ABI3BP: variants seen among roughly 807,000 people sequenced by gnomAD.
ABI3BP encodes target of Nesh-SH3.
In ABI3BP, 216 loss-of-function variants were observed where a neutral mutation model predicts 268.6. That is an observed-to-expected ratio of 0.80 (90% CI 0.72 to 0.90). The LOEUF is 0.90. ABI3BP is among the 40% of genes least tolerant of loss of function. ABI3BP has a pLI of 0.00. For synonymous variants in ABI3BP, 730 were observed against 730.0 expected (o/e 1.00, Z 0.00); for missense variants, 2,090 against 2,182.4 (o/e 0.96, Z 0.84).
chr3:100,985,609 A>G (rs1432324263), intron 1 of ABI3BP, among the ~76,000 whole-genome samples: 1 of 152,172 alleles, frequency 6.6e-6, no homozygotes, highest in Non-Finnish European at 1.5e-5. Flanking sequence ...GCCTCTGTAC[A>G]TGGTATCAAC....
At chr3:100,904,093 C>T (rs999533193) in intron 2 of ABI3BP, among the ~76,000 whole-genome samples, 26 of 152,152 alleles carry the variant, frequency 1.7e-4, no homozygotes, top group Admixed American at 1.1e-3. Flanking sequence ...ATGTACTGAA[C>T]GCTTTCTATG....
chr3:100,758,470 CA>C (rs1291569699), intron 63 of ABI3BP, among the ~76,000 whole-genome samples: 1 of 152,058 alleles, frequency 6.6e-6, no homozygotes, highest in African/African-American at 2.4e-5. Flanking sequence ...GGGAATTTGA[CA>C]AACACTGCCA....
Position 100,838,258 on chromosome 3 carries a change from G to C in ABI3BP, c.2035C>G (p.Pro679Ala). 6.5e-7 allele frequency: 1 copy of C among 1,536,522 alleles called. No individual in the cohort carries two copies. The highest frequency in any genetic ancestry group is 8.7e-7 in the Non-Finnish European group (1 of 1,146,884). ...PGSKPPKQLL[P>A]KPQTTAEPDM... is the part of the protein sequence containing the mutation. ...GGTTCTGCTGTGGTTTGGGGTTTAG[G>C]AAGTAATTGTTTTGGTGGTTTTGAA... Residue 679 changes from proline to alanine, a missense_variant, in exon 26 of 68, where the codon CCT becomes GCT. By Grantham distance (27) the Pro-to-Ala change is conservative. Coordinates refer to ENST00000471714, the MANE Select transcript of ABI3BP (RefSeq NM_001375547.2).
chr3:100,781,873 T>A (rs576558009), intron 57 of ABI3BP, among the ~76,000 whole-genome samples: 1 of 152,224 alleles, frequency 6.6e-6, no homozygotes, highest in South Asian at 2.1e-4. Context: ...ATCCCACAGA[T>A]GAGAAAATCC....
Position 100,961,482 on chromosome 3 carries a change from C to G in ABI3BP, c.79+31824G>C, listed in dbSNP as rs141161762. ...TGACAGCATGAGAGGGATGGTCAGA[C>G]ACAACAGTTGATGGGATACCAGTGA... On this transcript the variant is annotated intron_variant, in intron 1 of 67. Transcript: ENST00000471714. Among the ~76,000 whole-genome samples, 309 of 152,204 alleles carry G rather than the reference C, an allele frequency of 2.0e-3. 2 individuals are homozygous for G. The highest frequency in any genetic ancestry group is 2.5e-3 in the Non-Finnish European group (171 of 67,998).
intron 2 of ABI3BP, among the ~76,000 whole-genome samples, chr3:100,908,043 G>A (rs1276064187): frequency 6.6e-6 from 1 of 151,628 alleles, no homozygotes; most frequent in African/African-American, 2.4e-5. Context: ...GTGAACCTGG[G>A]AGGCAGAAGT....
chr3:100,905,155 G>T (rs549529788), intron 2 of ABI3BP, among the ~76,000 whole-genome samples: 3 of 151,932 alleles, frequency 2.0e-5, no homozygotes, highest in Non-Finnish European at 4.4e-5. Flanking sequence ...GCAAACTATC[G>T]CAAGGACAAA....
chr3:100,906,064 A>C (rs1404097876), intron 2 of ABI3BP, among the ~76,000 whole-genome samples: 1 of 152,162 alleles, frequency 6.6e-6, no homozygotes, highest in East Asian at 1.9e-4. Context: ...CTTTTAGAAA[A>C]CAAAACCCCT....
rs1419830912 is a variant in ABI3BP at position 100,958,668 on chromosome 3, C to T, written c.80-32187G>A. ...TCAAATTTGTAATGTTTCTAAAATTCATCAAAGAGCTAAAGTTGCAGGGAA... is the reference window on the plus strand; with the variant it reads ...TCAAATTTGTAATGTTTCTAAAATTTATCAAAGAGCTAAAGTTGCAGGGAA... On this transcript the variant is annotated intron_variant, in intron 1 of 67. Coordinates refer to ENST00000471714, the MANE Select transcript of ABI3BP (RefSeq NM_001375547.2). Among the ~76,000 whole-genome samples the T allele has an allele frequency of 2.6e-5, 4 of 152,214 alleles. No homozygotes were observed. The East Asian group carries it at 7.7e-4, about 29-fold the overall frequency.
chr3:100,963,342 T>G (rs1364306984), intron 1 of ABI3BP, among the ~76,000 whole-genome samples: 2 of 152,226 alleles, frequency 1.3e-5, no homozygotes, highest in African/African-American at 4.8e-5. Flanking sequence ...GAGTCATTTT[T>G]GATGCTTTCT....
chr3:100,945,439 A>G lies in ABI3BP; in HGVS notation c.80-18958T>C, dbSNP rs989307965. On this transcript the variant is annotated intron_variant, in intron 1 of 67. Transcript: ENST00000471714. The stretch of plus-strand genomic sequence containing the variant: ...TATGTAATTTACTAAATCTATCATA[A>G]TCTATATTCAGAACATTTCCATTAC... 5.0e-5 allele frequency: 10 copies of G among 198,462 alleles called. 1 individual carries two copies. Among genetic ancestry groups the G allele is most frequent in the South Asian group, 3.2e-4 (4 of 12,640 alleles). 12.3% of individuals were successfully genotyped at this position (198,462 alleles called of 1,614,324 possible).
chr3:100,828,561 C>T (rs550485481), intron 33 of ABI3BP, 109 bp from the exon 34 acceptor site: 22 of 956,466 alleles, frequency 2.3e-5, no homozygotes, highest in African/African-American at 1.2e-4. Flanking sequence ...GTCCAGAGCA[C>T]GAAGCAAACA....
At chr3:100,940,512 G>T (rs1246768790) in intron 1 of ABI3BP, among the ~76,000 whole-genome samples, 2 of 151,396 alleles carry the variant, frequency 1.3e-5, no homozygotes, top group Admixed American at 1.3e-4. Flanking sequence ...CATTCACAAA[G>T]GCCATGCAAA....
intron 38 of ABI3BP, 65 bp downstream of exon 38, chr3:100,822,524 A>T (rs533656346): frequency 2.1e-6 from 3 of 1,430,348 alleles, no homozygotes; most frequent in Admixed American, 3.9e-5. Context: ...AACCACTGGG[A>T]TTACTCTTGA....
At chr3:100,988,231 T>A (rs1039466159) in intron 1 of ABI3BP, among the ~76,000 whole-genome samples, 2 of 152,168 alleles carry the variant, frequency 1.3e-5, no homozygotes, top group African/African-American at 2.4e-5. Context: ...AAAGTGAGGT[T>A]GGAAGGGCTC....
chr3:100,849,382 T>C (rs1244205394), intron 17 of ABI3BP, among the ~76,000 whole-genome samples: 3 of 151,962 alleles, frequency 2.0e-5, no homozygotes, highest in Admixed American at 6.6e-5. Flanking sequence ...TACCATGACG[T>C]CCGGCTAATT....
In ABI3BP at chr3:100,901,794, A is replaced by C. The variant is rs1582694296; in HGVS notation, c.328+824T>G. On this transcript the variant is annotated intron_variant, in intron 3 of 67. Coordinates refer to ENST00000471714, the MANE Select transcript of ABI3BP (RefSeq NM_001375547.2). ...GAAAAAAAAAAAAAAGAAAAGCAAAATTTTGTGATCAACTCTATATAGAGT... is the reference window on the plus strand; with the variant it reads ...GAAAAAAAAAAAAAAGAAAAGCAAACTTTTGTGATCAACTCTATATAGAGT... Among the ~76,000 whole-genome samples, 8 of 152,084 alleles carry C rather than the reference A, an allele frequency of 5.3e-5. No homozygotes were observed. The East Asian group carries it at 1.5e-3, about 29-fold the overall frequency.
At chr3:100,899,778 T>C (rs1159508490) in intron 3 of ABI3BP, among the ~76,000 whole-genome samples, 1 of 152,224 alleles carries the variant, frequency 6.6e-6, no homozygotes, top group Non-Finnish European at 1.5e-5. Flanking sequence ...AAAACATACA[T>C]ACTCTGTATT....
chr3:100,952,498 C>G (rs2075424889), intron 1 of ABI3BP: 1 of 152,082 alleles, frequency 6.6e-6, no homozygotes, highest in Admixed American at 6.6e-5. Context: ...AAAAATTAAA[C>G]ACTCTAATTG....
Sources: gnomAD v4.1 joint callset for allele counts (sites outside exome capture counted in the v4.1 genomes callset) on GRCh38, gnomAD v4.1.1 for gene constraint, MANE v1.5 for transcripts, NCBI Gene and HGNC (gene_info 2026-07-23, HGNC 2026-07-21) for gene names.